BRIP1: variants seen among roughly 807,000 people sequenced by gnomAD.
BRIP1 encodes Fanconi anemia group J protein.
Under a neutral mutation model 119.7 loss-of-function variants are expected in BRIP1, and 88 were observed. The observed-to-expected ratio is 0.74, with a 90% CI of 0.62 to 0.88. The LOEUF (loss-of-function observed/expected upper bound fraction) is 0.88, where lower values mean the gene tolerates loss of function less well. BRIP1 is among the 40% of genes least tolerant of loss of function. The pLI, the probability that BRIP1 is intolerant of heterozygous loss-of-function variation, is 0.00. For missense variants in BRIP1, 1,259 were observed against 1,455.4 expected (o/e 0.87, Z 2.20); for synonymous variants, 443 against 496.5 (o/e 0.89, Z 1.43).
Position 61,727,066 on chromosome 17 carries a change from G to A in BRIP1, c.2380-11003C>T, listed in dbSNP as rs982893382. Among the ~76,000 whole-genome samples the A allele has an allele frequency of 3.3e-5, 5 of 152,118 alleles. 1 individual carries two copies. Among genetic ancestry groups the A allele is most frequent in the Admixed American group, 1.3e-4 (2 of 15,262 alleles). On this transcript the variant is annotated intron_variant, in intron 16 of 19. Transcript: ENST00000259008. ...TAAAGGAATGAGTCAATATTAAGAG[G>A]ATTTAATAAGGGGACTCAGTAATGG...
chr17:61,764,149 G>A (rs774432226), intron 14 of BRIP1, among the ~76,000 whole-genome samples: 12 of 152,154 alleles, frequency 7.9e-5, no homozygotes, highest in Non-Finnish European at 1.3e-4. Context: ...GTGCATTTGC[G>A]CTGGCCTTAC....
At position 61,843,097 on chromosome 17, in the gene BRIP1, T is replaced by C. The variant is rs1053699727; in HGVS notation, c.627+4004A>G. Reference sequence around the variant, plus strand: ...CCTGGAGGGAGGACATTATGCAAAGTGAAATATGTCAGATGTAGAAGGAAA... The same window carrying C: ...CCTGGAGGGAGGACATTATGCAAAGCGAAATATGTCAGATGTAGAAGGAAA... On this transcript the variant is annotated intron_variant, in intron 6 of 19. Coordinates refer to ENST00000259008, the MANE Select transcript of BRIP1 (RefSeq NM_032043.3). This position sits in a 1 kb window ranked among gnomAD's most constrained non-coding sequence, Gnocchi z 5.7. Among the ~76,000 whole-genome samples the C allele has an allele frequency of 7.2e-5, 11 of 152,154 alleles. No individual in the cohort carries two copies. Among genetic ancestry groups the C allele is most frequent in the Admixed American group, 2.0e-4 (3 of 15,270 alleles).
chr17:61,718,059 A>T (rs1449645768), intron 16 of BRIP1, among the ~76,000 whole-genome samples: 1 of 152,218 alleles, frequency 6.6e-6, no homozygotes, highest in African/African-American at 2.4e-5. Context: ...AGCATAAAAC[A>T]TAAGATATTT....
intron 6 of BRIP1, among the ~76,000 whole-genome samples, chr17:61,819,326 C>A (rs2145516418): frequency 6.6e-6 from 1 of 152,182 alleles, no homozygotes; most frequent in South Asian, 2.1e-4. Context: ...TTGGAAATTC[C>A]TCAAAAAACT....
Position 61,693,463 on chromosome 17 carries a change from G to A in BRIP1, c.2542C>T (p.Arg848Cys), listed in dbSNP as rs45572934. 3.1e-6 allele frequency: 5 copies of A among 1,613,614 alleles called. No individual in the cohort carries two copies. Among genetic ancestry groups the A allele is most frequent in the East Asian group, 2.2e-5 (1 of 44,842 alleles). ...DWGALILVDDRFRNNPSRYIS... is the reference protein window; with the variant it reads ...DWGALILVDDCFRNNPSRYIS... Reference sequence around the variant, plus strand: ...TAGCGACTTGGGTTATTCCTAAAGCGATCATCCACTAGAATAAGAGCTCCC... The same window carrying A: ...TAGCGACTTGGGTTATTCCTAAAGCAATCATCCACTAGAATAAGAGCTCCC... Residue 848 changes from arginine to cysteine, a missense_variant, in exon 18 of 20, where the codon CGC (arginine) becomes TGC (cysteine). Coordinates refer to ENST00000259008, the MANE Select transcript of BRIP1 (RefSeq NM_032043.3). This position sits in a 1 kb window ranked among gnomAD's most constrained non-coding sequence, Gnocchi z 4.2.
chr17:61,756,007 G>T lies in BRIP1; in HGVS notation c.2098-11416C>A, dbSNP rs1436577863. Among the ~76,000 whole-genome samples the T allele has an allele frequency of 6.6e-6, 1 of 152,128 alleles. No individual in the cohort carries two copies. The highest frequency in any genetic ancestry group is 1.5e-5 in the Non-Finnish European group (1 of 68,018). On this transcript the variant is annotated intron_variant, in intron 14 of 19. Coordinates refer to ENST00000259008, the MANE Select transcript of BRIP1 (RefSeq NM_032043.3). The surrounding 1 kb of genome is among the most constrained non-coding windows in gnomAD (Gnocchi z 4.3). ...GTTTTATTTTAATTTCTTCAGTGGA[G>T]ATTTTTTTTAAAGTACCTTAAAACC...
intron 4 of BRIP1, among the ~76,000 whole-genome samples, chr17:61,850,502 C>T (rs2078803483): frequency 6.6e-6 from 1 of 152,254 alleles, no homozygotes; most frequent in South Asian, 2.1e-4. Flanking sequence ...CAGAGAAAGA[C>T]CTACATGAGC....
In BRIP1 at chr17:61,805,147, T is replaced by C. The variant is rs1158241576; in HGVS notation, c.918+3320A>G. On this transcript the variant is annotated intron_variant, in intron 7 of 19. Transcript: ENST00000259008. The surrounding 1 kb of genome is among the most constrained non-coding windows in gnomAD (Gnocchi z 5.6). ...AGAATCCGTGTTTTCAAAACATACA[T>C]ACATCAATACATACACAAATGTATC... is the stretch of plus-strand genomic sequence containing the variant. 2.0e-5 allele frequency among the ~76,000 whole-genome samples: 3 copies of C among 152,156 alleles called. No homozygotes were observed. The highest frequency in any genetic ancestry group is 4.4e-5 in the Non-Finnish European group (3 of 68,018).
Position 61,730,486 on chromosome 17 carries a change from A to C in BRIP1, c.2379+12527T>G, listed in dbSNP as rs1175116837. ...CAACATAAGTAGGTAAGTGTCAATC[A>C]ACCTTACAAGTCCTCAGGGTGATAA... is the stretch of plus-strand genomic sequence containing the variant. On this transcript the variant is annotated intron_variant, in intron 16 of 19. Transcript: ENST00000259008. The surrounding 1 kb of genome is among the most constrained non-coding windows in gnomAD (Gnocchi z 4.3). Among the ~76,000 whole-genome samples, 2 of 152,210 alleles carry C rather than the reference A, an allele frequency of 1.3e-5. No individual in the cohort carries two copies. Among genetic ancestry groups the C allele is most frequent in the African/African-American group, 4.8e-5 (2 of 41,456 alleles).
rs561130652 is a variant in BRIP1 at position 61,776,997 on chromosome 17, A to C, written c.1936-435T>G. ...AATGACAGGAACTACTCTTTCAAAA[A>C]TTCATTGGTGCTCAAAGATCCTTAG... On this transcript the variant is annotated intron_variant, in intron 13 of 19. Transcript: ENST00000259008. This position sits in a 1 kb window ranked among gnomAD's most constrained non-coding sequence, Gnocchi z 5.0. Among the ~76,000 whole-genome samples the C allele has an allele frequency of 1.3e-5, 2 of 152,308 alleles. No homozygotes were observed. Among genetic ancestry groups the C allele is most frequent in the African/African-American group, 4.8e-5 (2 of 41,560 alleles).
intron 19 of BRIP1, 54 bp downstream of exon 19, chr17:61,685,782 T>G: frequency 7.0e-7 from 1 of 1,428,908 alleles, no homozygotes; most frequent in Non-Finnish European, 9.8e-7. Flanking sequence ...ATCATTTCAC[T>G]AAATATAATG....
intron 17 of BRIP1, among the ~76,000 whole-genome samples, chr17:61,696,198 CTTTT>C (rs56672402): frequency 1.0e-4 from 14 of 136,894 alleles, no homozygotes; most frequent in Admixed American, 1.5e-4. Flanking sequence ...CTGTTTTATG[CTTTT>C]TTTTTTTTTT....
At chr17:61,812,486 A>T (rs2078177636) in intron 6 of BRIP1, among the ~76,000 whole-genome samples, 1 of 152,258 alleles carries the variant, frequency 6.6e-6, no homozygotes, top group South Asian at 2.1e-4. Flanking sequence ...ACACAGTGCC[A>T]GAACCAAACT....
rs1045622666 is a variant in BRIP1 at position 61,689,083 on chromosome 17, G to A, written c.2576-2918C>T. On this transcript the variant is annotated intron_variant, in intron 18 of 19. Transcript: ENST00000259008. The surrounding 1 kb of genome is among the most constrained non-coding windows in gnomAD (Gnocchi z 4.5). ...TTTTTTGAGACAGTCTCGCTCTGTCGCCCAGGCTGGAGTGCAGTGGCGCCA... is the reference window on the plus strand; with the variant it reads ...TTTTTTGAGACAGTCTCGCTCTGTCACCCAGGCTGGAGTGCAGTGGCGCCA... Among the ~76,000 whole-genome samples, 5 of 86,864 alleles carry A rather than the reference G, an allele frequency of 5.8e-5. No individual in the cohort carries two copies. Among genetic ancestry groups the A allele is most frequent in the Non-Finnish European group, 7.6e-5 (3 of 39,670 alleles). 57.0% of individuals were successfully genotyped at this position (86,864 alleles called of 152,430 possible). A position where few individuals can be genotyped will look rare whatever the true frequency, so the allele number is the denominator to read the frequency against.
rs550152724 is a variant in BRIP1 at position 61,736,135 on chromosome 17, G to T, written c.2379+6878C>A. Among the ~76,000 whole-genome samples, 1 of 151,226 alleles carries T rather than the reference G, an allele frequency of 6.6e-6. No homozygotes were observed. The highest frequency in any genetic ancestry group is 6.6e-5 in the Admixed American group (1 of 15,170). On this transcript the variant is annotated intron_variant, in intron 16 of 19. Coordinates refer to ENST00000259008, the MANE Select transcript of BRIP1 (RefSeq NM_032043.3). This position sits in a 1 kb window ranked among gnomAD's most constrained non-coding sequence, Gnocchi z 4.4. Reference sequence around the variant, plus strand: ...AAGGCCAGGAGTTCAAGGCCAGCTTGTACAACATAGCAAGACCTCGCCTCT... The same window carrying T: ...AAGGCCAGGAGTTCAAGGCCAGCTTTTACAACATAGCAAGACCTCGCCTCT...
rs2077933653 is a variant in BRIP1 at position 61,798,326 on chromosome 17, A to G, written c.1340+774T>C. ...ATGTATACTATGCCATCATTTGGAA[A>G]ATAGTGAGGGACAAGAAAATATATC... On this transcript the variant is annotated intron_variant, in intron 9 of 19. Coordinates refer to ENST00000259008, the MANE Select transcript of BRIP1 (RefSeq NM_032043.3). The surrounding 1 kb of genome is among the most constrained non-coding windows in gnomAD (Gnocchi z 5.5). Among the ~76,000 whole-genome samples, 1 of 152,050 alleles carries G rather than the reference A, an allele frequency of 6.6e-6. No individual in the cohort carries two copies. Among genetic ancestry groups the G allele is most frequent in the Non-Finnish European group, 1.5e-5 (1 of 67,930 alleles).
At position 61,715,974 on chromosome 17, in the gene BRIP1, C is replaced by A. The variant is rs587780239; in HGVS notation, c.2469G>T (p.Arg823Ser). ...GRQWYEIQAY[R>S]ALNQALGRCI... ...ACCTACCAAGGGCCTGGTTTAAGGC[C>A]CTGTATGCTTGAATTTCATACCACT... Residue 823 changes from arginine to serine, a missense_variant, in exon 17 of 20, where the codon AGG (arginine) becomes AGT (serine). Arg to Ser is a moderately radical substitution (Grantham distance 110, BLOSUM62 -1). Coordinates refer to ENST00000259008, the MANE Select transcript of BRIP1 (RefSeq NM_032043.3). 3.3e-5 allele frequency: 53 copies of A among 1,605,648 alleles called. No homozygotes were observed. Among genetic ancestry groups the A allele is most frequent in the Non-Finnish European group, 1.0e-5 (12 of 1,174,426 alleles).
Position 61,846,665 on chromosome 17 carries a change from G to A in BRIP1, c.627+436C>T, listed in dbSNP as rs954850245. On this transcript the variant is annotated intron_variant, in intron 6 of 19. Coordinates refer to ENST00000259008, the MANE Select transcript of BRIP1 (RefSeq NM_032043.3). The surrounding 1 kb of genome is among the most constrained non-coding windows in gnomAD (Gnocchi z 4.3). ...GCCTCCCAAAGTGCTGGGATTACAGGCGTGAGCCACCACGCCTGGCCTACA... is the reference window on the plus strand; with the variant it reads ...GCCTCCCAAAGTGCTGGGATTACAGACGTGAGCCACCACGCCTGGCCTACA... Among the ~76,000 whole-genome samples the A allele has an allele frequency of 1.6e-5, 2 of 123,976 alleles. No homozygotes were observed. Among genetic ancestry groups the A allele is most frequent in the Non-Finnish European group, 2.9e-5 (2 of 67,822 alleles). 81.3% of individuals were successfully genotyped at this position (123,976 alleles called of 152,430 possible). A position where few individuals can be genotyped will look rare whatever the true frequency, so the allele number is the denominator to read the frequency against.
chr17:61,808,368 G>A lies in BRIP1; in HGVS notation c.918+99C>T, dbSNP rs948720868. 14 of 1,270,568 alleles carry A rather than the reference G, an allele frequency of 1.1e-5. No individual in the cohort carries two copies. Among genetic ancestry groups the A allele is most frequent in the Admixed American group, 3.7e-5 (2 of 54,130 alleles). 78.7% of individuals were successfully genotyped at this position (1,270,568 alleles called of 1,614,324 possible). A position where few individuals can be genotyped will look rare whatever the true frequency, so the allele number is the denominator to read the frequency against. ...ATACTAGCAGTTAATTTGATTTTCC[G>A]AAGTTGATTATCACTAAAATGTACA... is the stretch of plus-strand genomic sequence containing the variant. On this transcript the variant is annotated intron_variant, in intron 7 of 19. Transcript: ENST00000259008. This position sits in a 1 kb window ranked among gnomAD's most constrained non-coding sequence, Gnocchi z 4.1.
Sources: allele counts gnomAD v4.1 joint callset (sites outside exome capture counted in the v4.1 genomes callset), GRCh38; gene constraint gnomAD v4.1.1; non-coding constraint Gnocchi (gnomAD v3.1); transcripts MANE v1.5; gene names NCBI Gene and HGNC (gene_info 2026-07-23, HGNC 2026-07-21).